CYFIP1: variants seen among roughly 807,000 people sequenced by gnomAD.
CYFIP1 encodes cytoplasmic FMR1 interacting protein 1, also known as cytoplasmic FMR1-interacting protein 1.
A neutral mutation model predicts 163.5 loss-of-function variants in CYFIP1; 58 were observed. That is an observed-to-expected ratio of 0.35 (90% CI 0.29 to 0.44). The LOEUF is 0.44. Among genes scored for constraint, CYFIP1 ranks in the 20% least tolerant of loss-of-function variants. CYFIP1 has a pLI of 1.00. For synonymous variants in CYFIP1, 663 were observed against 660.7 expected, an observed-to-expected ratio of 1.00 and a Z score of -0.05; for missense variants, 1,338 against 1,653.8, an observed-to-expected ratio of 0.81 and a Z score of 3.31.
intron 23 of CYFIP1, among the ~76,000 whole-genome samples, chr15:22,890,880 G>A (rs1399992611): frequency 6.6e-6 from 1 of 152,160 alleles, no homozygotes; most frequent in Non-Finnish European, 1.5e-5. Context: ...AACGCGGAGT[G>A]TGGAATGATG....
intron 23 of CYFIP1, among the ~76,000 whole-genome samples, chr15:22,884,900 GC>G (rs1197325977): frequency 7.5e-6 from 1 of 133,084 alleles, no homozygotes; most frequent in African/African-American, 2.8e-5. Context: ...CTGTATGTTG[GC>G]CCCTTTTAGC....
chr15:22,918,795 C>A lies in CYFIP1; in HGVS notation c.1423G>T (p.Ala475Ser). 6.2e-7 allele frequency: 1 copy of A among 1,613,296 alleles called. No homozygotes were observed. The highest frequency in any genetic ancestry group is 2.2e-5 in the East Asian group (1 of 44,846). Residue 475 changes from alanine (A) to serine (S), a missense_variant, in exon 14 of 31, where the codon GCC (alanine) becomes TCC (serine). Ala to Ser is a moderately conservative substitution (Grantham distance 99). Around this residue, in one of 4 missense-constraint regions of CYFIP1, gnomAD observed 824 missense variants for 995.7 expected, o/e 0.83. Coordinates refer to ENST00000617928, the MANE Select transcript of CYFIP1 (RefSeq NM_014608.6). Reference protein sequence around the residue: ...MGRMESVFNHAIRHTVYAALQ... With the variant: ...MGRMESVFNHSIRHTVYAALQ... ...GCGGCATAGACGGTGTGCCGGATGGCGTGGTTGAACACGCTCTCCATCCTG... is the reference window on the plus strand; with the variant it reads ...GCGGCATAGACGGTGTGCCGGATGGAGTGGTTGAACACGCTCTCCATCCTG...
chr15:22,879,008 C>A (rs987195655), intron 26 of CYFIP1, among the ~76,000 whole-genome samples: 2 of 151,852 alleles, frequency 1.3e-5, no homozygotes, highest in African/African-American at 4.8e-5. Flanking sequence ...TGGTGGTGGG[C>A]GCCTGTAGTC....
intron 22 of CYFIP1, among the ~76,000 whole-genome samples, chr15:22,901,476 G>A (rs550559687): frequency 6.6e-6 from 1 of 152,324 alleles, no homozygotes; most frequent in South Asian, 2.1e-4. Context: ...TTGCCGCCTT[G>A]GGCTCCAGGT....
Position 22,903,871 on chromosome 15 carries a change from G to T in CYFIP1, c.2423C>A (p.Thr808Asn). 1 of 1,614,154 alleles carries T rather than the reference G, an allele frequency of 6.2e-7. No homozygotes were observed. The highest frequency in any genetic ancestry group is 8.5e-7 in the Non-Finnish European group (1 of 1,180,026). ...LDGLLEINRM[T>N]HKLLSRYLTL... is the part of the protein sequence containing the mutation. ...CAGGTACCGGCTCAGCAGCTTGTGGGTCATGCGGTTGATTTCCAACAGGCC... is the reference window on the plus strand; with the variant it reads ...CAGGTACCGGCTCAGCAGCTTGTGGTTCATGCGGTTGATTTCCAACAGGCC... The change falls in exon 22 of 31, where the codon ACC becomes AAC. Residue 808 changes from threonine (T) to asparagine (N), a missense_variant. Coordinates refer to ENST00000617928, the MANE Select transcript of CYFIP1 (RefSeq NM_014608.6).
Position 22,917,963 on chromosome 15 carries a change from G to A in CYFIP1, c.1527-28C>T. The A allele has an allele frequency of 6.2e-7, 1 of 1,603,598 alleles. No individual in the cohort carries two copies. The highest frequency in any genetic ancestry group is 1.7e-4 in the Middle Eastern group (1 of 5,994). ...GAACACCCCACCAAGTGATCAGCAA[G>A]GCCCAGAGGCCGAGACCTCCAGCCT... On this transcript the variant is annotated intron_variant, in intron 14 of 30. Transcript: ENST00000617928. The surrounding 1 kb of genome is among the most constrained non-coding windows in gnomAD (Gnocchi z 4.2).
At chr15:22,896,261 C>T (rs2060232552) in intron 22 of CYFIP1, among the ~76,000 whole-genome samples, 1 of 152,164 alleles carries the variant, frequency 6.6e-6, no homozygotes, top group Non-Finnish European at 1.5e-5. Flanking sequence ...CACTGAGGTT[C>T]AGCTCCAGCC....
At chr15:22,979,801 C>T (rs770485469) in intron 1 of CYFIP1, among the ~76,000 whole-genome samples, 1 of 152,206 alleles carries the variant, frequency 6.6e-6, no homozygotes, top group Non-Finnish European at 1.5e-5. Context: ...TCCCTCCGCT[C>T]CTCACAGGGG....
At chr15:22,929,233 A>AT in intron 11 of CYFIP1, among the ~76,000 whole-genome samples, 1 of 152,020 alleles carries the variant, frequency 6.6e-6, no homozygotes, top group East Asian at 1.9e-4. Context: ...TCAAAAAAAA[A>AT]AAAAAAAGTA....
chr15:22,928,064 C>T lies in CYFIP1; in HGVS notation c.1111-36G>A, dbSNP rs902770294. On this transcript the variant is annotated intron_variant, in intron 11 of 30. Transcript: ENST00000617928. ...CGGGCACGGCCCCGTGAGAAACCAG[C>T]GCCCCCACCCAGCTCCCCCCATCCC... is the stretch of plus-strand genomic sequence containing the variant. 9 of 1,461,566 alleles carry T rather than the reference C, an allele frequency of 6.2e-6. No homozygotes were observed. In the African/African-American group the frequency reaches 1.0e-4, roughly 17 times the overall value. 90.5% of individuals were successfully genotyped at this position (1,461,566 alleles called of 1,614,324 possible). A position where few individuals can be genotyped will look rare whatever the true frequency, so the allele number is the denominator to read the frequency against.
intron 8 of CYFIP1, among the ~76,000 whole-genome samples, chr15:22,937,605 T>A (rs535425410): frequency 7.0e-6 from 1 of 143,788 alleles, no homozygotes; most frequent in African/African-American, 2.6e-5. Context: ...TCTTTTTTTG[T>A]TTTTTTTTTT....
At chr15:22,963,048 G>A (rs932233851) in intron 1 of CYFIP1, among the ~76,000 whole-genome samples, 1 of 152,184 alleles carries the variant, frequency 6.6e-6, no homozygotes, top group Non-Finnish European at 1.5e-5. Flanking sequence ...GCCAGTAGTG[G>A]ACAAGTGTCC....
intron 21 of CYFIP1, among the ~76,000 whole-genome samples, chr15:22,906,419 T>G (rs1423846088): frequency 6.6e-6 from 1 of 151,592 alleles, no homozygotes; most frequent in Non-Finnish European, 1.5e-5. Context: ...ATTTCTGGAT[T>G]TCTAAAAATT....
At position 22,874,203 on chromosome 15, in the gene CYFIP1, G is replaced by A. The variant is rs1015545913; in HGVS notation, c.3210+347C>T. Reference sequence around the variant, plus strand: ...ACTTAGCATAAGCAGCTGGATCACTGTAGAACTCTACCCTGACACCTTGCC... The same window carrying A: ...ACTTAGCATAAGCAGCTGGATCACTATAGAACTCTACCCTGACACCTTGCC... On this transcript the variant is annotated intron_variant, in intron 28 of 30. Transcript: ENST00000617928. Among the ~76,000 whole-genome samples the A allele has an allele frequency of 2.6e-5, 4 of 152,228 alleles. No homozygotes were observed. In the East Asian group the frequency reaches 7.7e-4, roughly 29 times the overall value.
chr15:22,949,901 G>C (rs2062193060), intron 1 of CYFIP1, among the ~76,000 whole-genome samples: 1 of 151,638 alleles, frequency 6.6e-6, no homozygotes, highest in Admixed American at 6.6e-5. Flanking sequence ...GGCTGAGAAG[G>C]GAGGATCACT....
At chr15:22,877,992 C>T (rs1275199812) in intron 26 of CYFIP1, among the ~76,000 whole-genome samples, 1 of 152,242 alleles carries the variant, frequency 6.6e-6, no homozygotes, top group East Asian at 1.9e-4. Context: ...GGCAGTCTGA[C>T]AGCAATGCCC....
rs775675094 is a variant in CYFIP1 at position 22,870,195 on chromosome 15, A to G, written c.3598-3T>C. ...CTCTCCACCATCTTCTTCAAAGGCT[A>G]CAACCATCAAAGTGAGGATGTTTTA... On this transcript the variant is annotated splice_polypyrimidine_tract_variant and splice_region_variant and intron_variant, in intron 30 of 30. Coordinates refer to ENST00000617928, the MANE Select transcript of CYFIP1 (RefSeq NM_014608.6). The G allele has an allele frequency of 9.3e-6, 15 of 1,605,190 alleles. No homozygotes were observed. In the African/African-American group the frequency reaches 1.2e-4, roughly 13 times the overall value.
rs1226078472 is a variant in CYFIP1, at chr15:22,914,861, T to C, written c.1850A>G (p.Asp617Gly). The C allele has an allele frequency of 6.2e-7, 1 of 1,612,742 alleles. No homozygotes were observed. The highest frequency in any genetic ancestry group is 1.7e-5 in the Admixed American group (1 of 59,838). Reference protein sequence around the residue: ...NFSETLQQCCDLSQLWFREFF... With the variant: ...NFSETLQQCCGLSQLWFREFF... ...CTCTCGGAACCACAGCTGCGAAAGG[T>C]CACAGCACTGCTGCAGCGTTTCTGG... The change falls in exon 17 of 31, where the codon GAC becomes GGC. Residue 617 changes from aspartate (D) to glycine (G), a missense_variant. Around this residue, in one of 4 missense-constraint regions of CYFIP1, gnomAD observed 824 missense variants for 995.7 expected, o/e 0.83. Transcript: ENST00000617928.
At chr15:22,912,087 T>C (rs2060803931) in intron 18 of CYFIP1, 92 bp downstream of exon 18, 7 of 1,198,406 alleles carry the variant, frequency 5.8e-6, no homozygotes, top group South Asian at 2.9e-5. Context: ...TGTCTTATAT[T>C]TTAAAGAAAG....
Sources: gnomAD v4.1 joint callset for allele counts (sites outside exome capture counted in the v4.1 genomes callset) on GRCh38, gnomAD v4.1.1 for gene constraint, gnomAD v4.1.1 regional missense constraint, Gnocchi (gnomAD v3.1) non-coding constraint, MANE v1.5 for transcripts, NCBI Gene and HGNC (gene_info 2026-07-23, HGNC 2026-07-21) for gene names.